RAD51B: variants seen among roughly 807,000 people sequenced by gnomAD.
The protein encoded by RAD51B is RAD51 paralog B.
A neutral mutation model predicts 42.2 loss-of-function variants in RAD51B; 38 were observed. That is an observed-to-expected ratio of 0.90 (90% CI 0.70 to 1.18). The LOEUF is 1.18. Ranked by LOEUF, RAD51B falls within the 50% of genes most tolerant of loss-of-function variation. RAD51B has a pLI of 0.00. For synonymous variants in RAD51B, 154 were observed against 145.2 expected (o/e 1.06, Z -0.43); for missense variants, 373 against 400.7 (o/e 0.93, Z 0.59).
At chr14:68,480,325 C>T (rs1883075072), downstream of RAD51B, among the ~76,000 whole-genome samples, 1 of 152,190 alleles carries the variant, frequency 6.6e-6, no homozygotes, top group Non-Finnish European at 1.5e-5. Context: ...GATCTGCCCT[C>T]GTCGGCCTCC....
chr14:68,504,640 G>A (rs1885155292), intron 10 of RAD51B, among the ~76,000 whole-genome samples: 1 of 148,680 alleles, frequency 6.7e-6, no homozygotes, highest in African/African-American at 2.5e-5. Context: ...AATTGCAAAG[G>A]AGTAATCCTT....
intron 7 of RAD51B, among the ~76,000 whole-genome samples, chr14:68,029,679 G>T (rs1453032404): frequency 6.6e-6 from 1 of 152,130 alleles, no homozygotes; most frequent in Non-Finnish European, 1.5e-5. Flanking sequence ...CTTCACTCCT[G>T]TGCATGTTGC....
intron 4 of RAD51B, among the ~76,000 whole-genome samples, chr14:67,849,925 G>A (rs1250252046): frequency 2.6e-5 from 4 of 152,120 alleles, no homozygotes; most frequent in African/African-American, 9.7e-5. Flanking sequence ...ATTCTTTGGT[G>A]GTGTTACAAA....
chr14:68,439,868 T>G (rs1471932258), intron 9 of RAD51B, among the ~76,000 whole-genome samples: 1 of 152,204 alleles, frequency 6.6e-6, no homozygotes, highest in Non-Finnish European at 1.5e-5. Context: ...AGGGTCTGTA[T>G]GCACACATCC....
At chr14:67,935,963 A>C (rs1018595661) in intron 7 of RAD51B, among the ~76,000 whole-genome samples, 4 of 152,190 alleles carry the variant, frequency 2.6e-5, no homozygotes, top group Non-Finnish European at 5.9e-5. Context: ...CAGAACTTTC[A>C]TATTCAAGAA....
At position 68,314,749 on chromosome 14, in the gene RAD51B, C is replaced by T. The variant is rs575389458; in HGVS notation, c.853+22769C>T. Among the ~76,000 whole-genome samples the T allele has an allele frequency of 3.3e-5, 5 of 152,272 alleles. 1 individual carries two copies. The highest frequency in any genetic ancestry group is 3.4e-3 in the Middle Eastern group (1 of 294). On this transcript the variant is annotated intron_variant, in intron 8 of 10. Transcript: ENST00000471583. ...AGCTTTGATCCTCTGGCCCTTATGA[C>T]AGGCAATGATGGTTCAGAGTACAGA... is the stretch of plus-strand genomic sequence containing the variant.
intron 7 of RAD51B, among the ~76,000 whole-genome samples, chr14:67,945,627 C>T (rs553393904): frequency 5.9e-5 from 9 of 152,038 alleles, no homozygotes; most frequent in East Asian, 1.9e-4. Flanking sequence ...CACGCCACCA[C>T]GCCCAGCTAA....
rs2076902911 is a variant in RAD51B at position 68,080,895 on chromosome 14, A to G, written c.756+193691A>G. Among the ~76,000 whole-genome samples the G allele has an allele frequency of 2.0e-5, 3 of 152,162 alleles. No individual in the cohort carries two copies. In the South Asian group the frequency reaches 6.2e-4, roughly 31 times the overall value. Reference sequence around the variant, plus strand: ...ATAAGAAAAAATAGAGGGCCTTGGGACTCTGAAACAAACCACTCATTGATA... The same window carrying G: ...ATAAGAAAAAATAGAGGGCCTTGGGGCTCTGAAACAAACCACTCATTGATA... On this transcript the variant is annotated intron_variant, in intron 7 of 10. Coordinates refer to ENST00000471583, the MANE Select transcript of RAD51B (RefSeq NM_133510.4).
intron 7 of RAD51B, among the ~76,000 whole-genome samples, chr14:68,221,224 A>C (rs1841468332): frequency 6.6e-6 from 1 of 152,156 alleles, no homozygotes; most frequent in South Asian, 2.1e-4. Flanking sequence ...ACCAAAAAAG[A>C]GCCTGTGAGT....
chr14:67,838,902 T>A (rs1011160038), intron 4 of RAD51B, among the ~76,000 whole-genome samples: 1 of 152,226 alleles, frequency 6.6e-6, no homozygotes, highest in African/African-American at 2.4e-5. Context: ...TAATTTGGTG[T>A]TACATTTTAT....
chr14:68,137,384 T>C (rs1226265964), intron 7 of RAD51B, among the ~76,000 whole-genome samples: 2 of 152,192 alleles, frequency 1.3e-5, no homozygotes, highest in Non-Finnish European at 2.9e-5. Flanking sequence ...TTAAGTTACA[T>C]AAAACAACCC....
Position 68,489,185 on chromosome 14 carries a change from A to G in RAD51B, c.1036+20935A>G, listed in dbSNP as rs557600908. On this transcript the variant is annotated intron_variant, in intron 10 of 10. Coordinates refer to the RAD51B transcript ENST00000487270. ...ATTCAAAAATTATAAAATATTGTAT[A>G]AGCCAAATGAATGCTCTTGTAGTCC... Among the ~76,000 whole-genome samples, 7 of 152,154 alleles carry G rather than the reference A, an allele frequency of 4.6e-5. No homozygotes were observed. The South Asian group carries it at 1.5e-3, about 32-fold the overall frequency.
chr14:68,450,033 G>A (rs866614628), intron 9 of RAD51B, among the ~76,000 whole-genome samples: 14 of 152,020 alleles, frequency 9.2e-5, no homozygotes, highest in South Asian at 2.1e-4. Context: ...TTTAAGATGG[G>A]TACCCTAGGG....
Position 68,641,864 on chromosome 14 carries a change from A to ATT in RAD51B, c.1037-8904_1037-8903dup, listed in dbSNP as rs34111115. On this transcript the variant is annotated intron_variant, in intron 10 of 11. Transcript: ENST00000488612. Reference sequence around the variant, plus strand: ...GTGTGAGCCACCATGCCTGGCTGGGATTTTTTTTTTTTTTAGCCCATTGAT... The same window carrying ATT: ...GTGTGAGCCACCATGCCTGGCTGGGATTTTTTTTTTTTTTTTAGCCCATTGAT... Among the ~76,000 whole-genome samples the ATT allele has an allele frequency of 9.9e-3, 1,449 of 146,294 alleles. 5 individuals carry two copies. Among genetic ancestry groups the ATT allele is most frequent in the Non-Finnish European group, 0.014 (958 of 66,446 alleles).
chr14:68,099,617 G>A (rs1468379726), intron 7 of RAD51B, among the ~76,000 whole-genome samples: 3 of 152,126 alleles, frequency 2.0e-5, no homozygotes, highest in Non-Finnish European at 4.4e-5. Flanking sequence ...AAGAATAGGA[G>A]CTACAGGAAT....
At chr14:68,495,767 G>T (rs1884465911) in intron 10 of RAD51B, among the ~76,000 whole-genome samples, 1 of 152,102 alleles carries the variant, frequency 6.6e-6, no homozygotes. Context: ...TTGACTAGGT[G>T]GAATAAATAG....
At chr14:68,494,092 A>G (rs1442235116) in intron 10 of RAD51B, among the ~76,000 whole-genome samples, 5 of 152,056 alleles carry the variant, frequency 3.3e-5, no homozygotes, top group African/African-American at 9.7e-5. Flanking sequence ...CCTGGCCAAC[A>G]TGGTGAAACC....
At chr14:67,971,353 A>G (rs1268174528) in intron 7 of RAD51B, among the ~76,000 whole-genome samples, 2 of 152,094 alleles carry the variant, frequency 1.3e-5, no homozygotes, top group Non-Finnish European at 2.9e-5. Context: ...GTCTTGGAAT[A>G]TGGCTTTGCA....
intron 7 of RAD51B, among the ~76,000 whole-genome samples, chr14:68,052,238 A>G (rs1263331793): frequency 1.3e-5 from 2 of 152,212 alleles, no homozygotes; most frequent in Non-Finnish European, 2.9e-5. Flanking sequence ...TAGGTCTAGC[A>G]TGAGTAACAC....
Sources: allele counts gnomAD v4.1 joint callset (sites outside exome capture counted in the v4.1 genomes callset), GRCh38; gene constraint gnomAD v4.1.1; transcripts MANE v1.5; gene names NCBI Gene and HGNC (gene_info 2026-07-23, HGNC 2026-07-21).